The following GRK3 variants were observed in gnomAD, a reference collection of about 807,000 sequenced individuals.
The protein encoded by GRK3 is adrenergic, beta, receptor kinase 2.
In GRK3, 54 loss-of-function variants were observed where a neutral mutation model predicts 95.7. That is an observed-to-expected ratio of 0.56 (90% CI 0.45 to 0.71). The LOEUF is 0.71. Among genes scored for constraint, GRK3 ranks in the 30% least tolerant of loss-of-function variants. The pLI is 0.00. For synonymous variants in GRK3, 281 were observed against 290.8 expected (o/e 0.97, Z 0.34); for missense variants, 649 against 851.2 (o/e 0.76, Z 2.96).
chr22:25,684,035 A>G (rs2085094527), intron 9 of GRK3, among the ~76,000 whole-genome samples: 1 of 152,216 alleles, frequency 6.6e-6, no homozygotes, highest in Non-Finnish European at 1.5e-5. Flanking sequence ...GCTGTAGCGT[A>G]TGGTGTGAGG....
chr22:25,671,159 G>C (rs1195107940), intron 6 of GRK3, among the ~76,000 whole-genome samples: 2 of 151,112 alleles, frequency 1.3e-5, no homozygotes, highest in African/African-American at 4.9e-5. Flanking sequence ...TGAGACCACG[G>C]TGAAACCCCC....
At chr22:25,626,161 C>T (rs1288385036) in intron 2 of GRK3, among the ~76,000 whole-genome samples, 1 of 152,196 alleles carries the variant, frequency 6.6e-6, no homozygotes, top group Non-Finnish European at 1.5e-5. Flanking sequence ...GATCTCCTGA[C>T]CTTGTGATCT....
intron 2 of GRK3, among the ~76,000 whole-genome samples, chr22:25,619,545 G>A (rs1287928837): frequency 6.6e-6 from 1 of 151,892 alleles, no homozygotes; most frequent in Non-Finnish European, 1.5e-5. Context: ...GTTTAGTGGC[G>A]TGATCATAGC....
intron 1 of GRK3, among the ~76,000 whole-genome samples, chr22:25,603,186 G>A (rs2084420877): frequency 6.6e-6 from 1 of 152,086 alleles, no homozygotes; most frequent in African/African-American, 2.4e-5. Context: ...CAAAGTGGTG[G>A]GATTACAGGC....
chr22:25,607,211 G>A (rs914335037), intron 2 of GRK3, among the ~76,000 whole-genome samples: 2 of 152,042 alleles, frequency 1.3e-5, no homozygotes, highest in African/African-American at 2.4e-5. Context: ...CAGTCACAGC[G>A]TTTTGTGCTA....
At chr22:25,695,779 C>T (rs894753119) in intron 13 of GRK3, among the ~76,000 whole-genome samples, 1 of 152,042 alleles carries the variant, frequency 6.6e-6, no homozygotes, top group Non-Finnish European at 1.5e-5. Flanking sequence ...CCTTCCACCT[C>T]AACCTCAGTC....
intron 2 of GRK3, among the ~76,000 whole-genome samples, chr22:25,633,914 A>C (rs965579574): frequency 7.2e-5 from 11 of 152,266 alleles, no homozygotes; most frequent in African/African-American, 2.4e-4. Context: ...AGTGTTCACT[A>C]TCTGCTCTTT....
Position 25,644,622 on chromosome 22 carries a change from A to G in GRK3, c.221A>G (p.Asn74Ser). Residue 74 changes from asparagine to serine, a missense_variant, in exon 3 of 21, where the codon AAT becomes AGT. Physicochemically the swap from Asn to Ser is conservative, Grantham distance 46 (BLOSUM62 1). Transcript: ENST00000324198. ...GFLLFKDFCL[N>S]EINEAVPQVK... ...TTGCTATTTAAAGATTTTTGTTTGAATGAAATTAATGAAGCTGTACCTCAG... is the reference window on the plus strand; with the variant it reads ...TTGCTATTTAAAGATTTTTGTTTGAGTGAAATTAATGAAGCTGTACCTCAG... 1 of 1,576,256 alleles carries G rather than the reference A, an allele frequency of 6.3e-7. No individual in the cohort carries two copies. The highest frequency in any genetic ancestry group is 1.1e-5 in the South Asian group (1 of 87,434).
chr22:25,645,835 G>A (rs2084777843), intron 3 of GRK3, among the ~76,000 whole-genome samples: 1 of 151,972 alleles, frequency 6.6e-6, no homozygotes. Context: ...GCAGGAGAAT[G>A]GTGTGAACCC....
At chr22:25,696,280 G>T (rs1032386291) in intron 13 of GRK3, among the ~76,000 whole-genome samples, 5 of 152,186 alleles carry the variant, frequency 3.3e-5, no homozygotes, top group South Asian at 2.1e-4. Flanking sequence ...ACACCTAGCC[G>T]GTAAACCCAT....
chr22:25,685,246 AC>A lies in GRK3; in HGVS notation c.825del (p.Asn275LysfsTer44). 1 of 1,611,030 alleles carries A rather than the reference AC, an allele frequency of 6.2e-7. No individual in the cohort carries two copies. Among genetic ancestry groups the A allele is most frequent in the Non-Finnish European group, 8.5e-7 (1 of 1,177,222 alleles). The stretch of plus-strand genomic sequence containing the variant: ...CTCTGCTTCATCCTGGATCTGATGA[AC>A]GGTAAGCAAAACTTGGAAAATCTGA... The part of the protein sequence containing the change: ...DKLCFILDLM[N>X]GGDLHYHLSQ... On this transcript the variant is annotated frameshift_variant and splice_region_variant, in exon 10 of 21. Coordinates refer to ENST00000324198, the MANE Select transcript of GRK3 (RefSeq NM_005160.4). LOFTEE classifies it high-confidence loss of function.
At chr22:25,674,671 C>T (rs905178814) in intron 8 of GRK3, 143 bp downstream of exon 8, 7 of 679,540 alleles carry the variant, frequency 1.0e-5, no homozygotes, top group South Asian at 5.8e-5. Context: ...AGCTGTAGGC[C>T]GGGCGTGGTG....
At chr22:25,679,689 T>C (rs1265788769) in intron 9 of GRK3, among the ~76,000 whole-genome samples, 1 of 152,142 alleles carries the variant, frequency 6.6e-6, no homozygotes, top group Non-Finnish European at 1.5e-5. Flanking sequence ...TGTGCACTGG[T>C]ATGGCTGTGA....
chr22:25,585,925 T>G (rs1187463626), intron 1 of GRK3, among the ~76,000 whole-genome samples: 1 of 152,300 alleles, frequency 6.6e-6, no homozygotes, highest in Admixed American at 6.5e-5. Context: ...TATACACTCT[T>G]ACTTGTAGAA....
At chr22:25,574,476 A>T (rs1448654086) in intron 1 of GRK3, among the ~76,000 whole-genome samples, 1 of 152,204 alleles carries the variant, frequency 6.6e-6, no homozygotes, top group Non-Finnish European at 1.5e-5. Context: ...TGACAGAGTG[A>T]GGTCTCGTCT....
At position 25,723,226 on chromosome 22, in the gene GRK3, T is replaced by C. The variant is rs1175731839; in HGVS notation, c.*776T>C. On this transcript the variant is annotated 3_prime_UTR_variant, in exon 21 of 21. Coordinates refer to ENST00000324198, the MANE Select transcript of GRK3 (RefSeq NM_005160.4). Reference sequence around the variant, plus strand: ...AGTTTTCAAAAGTCTTTGAGTCCAGTGTGCACGAGTCGACAAGCAGTACCT... The same window carrying C: ...AGTTTTCAAAAGTCTTTGAGTCCAGCGTGCACGAGTCGACAAGCAGTACCT... 1 of 152,182 alleles carries C rather than the reference T, an allele frequency of 6.6e-6. No individual in the cohort carries two copies. The highest frequency in any genetic ancestry group is 1.5e-5 in the Non-Finnish European group (1 of 68,044). 9.4% of individuals were successfully genotyped at this position (152,182 alleles called of 1,614,324 possible).
At chr22:25,635,690 A>C (rs1204482641) in intron 2 of GRK3, among the ~76,000 whole-genome samples, 3 of 152,194 alleles carry the variant, frequency 2.0e-5, no homozygotes, top group African/African-American at 7.2e-5. Flanking sequence ...CCCAAGTCTG[A>C]TGATTGTTAA....
chr22:25,640,887 T>C (rs2084738143), intron 2 of GRK3, among the ~76,000 whole-genome samples: 1 of 152,218 alleles, frequency 6.6e-6, no homozygotes, highest in Non-Finnish European at 1.5e-5. Context: ...TTTTTACTCT[T>C]TAAGATCTGG....
intron 20 of GRK3, among the ~76,000 whole-genome samples, chr22:25,722,046 T>A (rs1347094090): frequency 1.3e-5 from 2 of 152,226 alleles, no homozygotes; most frequent in African/African-American, 2.4e-5. Flanking sequence ...AGGCAGTGAT[T>A]CTCAGAGTGG....
Sources: allele counts gnomAD v4.1 joint callset (sites outside exome capture counted in the v4.1 genomes callset), GRCh38; gene constraint gnomAD v4.1.1; transcripts MANE v1.5; gene names NCBI Gene and HGNC (gene_info 2026-07-23, HGNC 2026-07-21).